IKZF1: variants seen among roughly 807,000 people sequenced by gnomAD.
IKZF1 encodes the protein IKAROS family zinc finger 1, also known as DNA-binding protein Ikaros.
A neutral mutation model predicts 51.7 loss-of-function variants in IKZF1; 10 were observed. The ratio of observed to expected loss-of-function variants is 0.19; its 90% CI spans 0.12 to 0.33. The LOEUF is 0.33. Ranked by LOEUF, IKZF1 falls within the 10% of genes least tolerant of loss-of-function variation. The pLI, the probability that IKZF1 is intolerant of heterozygous loss-of-function variation, is 1.00. For missense variants in IKZF1, 484 were observed against 707.5 expected, an observed-to-expected ratio of 0.68 and a Z score of 3.58; for synonymous variants, 280 against 282.3, an observed-to-expected ratio of 0.99 and a Z score of 0.08.
chr7:50,396,618 T>C (rs576226764), intron 7 of IKZF1, among the ~76,000 whole-genome samples: 27 of 152,350 alleles, frequency 1.8e-4, no homozygotes, highest in African/African-American at 6.0e-4. Context: ...CCCTGACATT[T>C]CTTTTCATCT....
At chr7:50,346,953 C>T (rs143733319) in intron 3 of IKZF1, among the ~76,000 whole-genome samples, 9 of 152,200 alleles carry the variant, frequency 5.9e-5, no homozygotes, top group Non-Finnish European at 1.3e-4. Flanking sequence ...TTTGCAGCCA[C>T]GACCCATGTT....
intron 3 of IKZF1, chr7:50,368,163 C>T (rs1249563078): frequency 5.7e-6 from 4 of 703,398 alleles, no homozygotes; most frequent in African/African-American, 3.5e-5. Flanking sequence ...CCCCGAGATA[C>T]ATTAAATATT....
chr7:50,313,110 C>G (rs1790599442), intron 1 of IKZF1, among the ~76,000 whole-genome samples: 1 of 152,200 alleles, frequency 6.6e-6, no homozygotes, highest in Admixed American at 6.5e-5. Flanking sequence ...ATTGCCTTAG[C>G]TTTCTCTTGA....
chr7:50,339,937 A>T (rs927020780), intron 3 of IKZF1, among the ~76,000 whole-genome samples: 1 of 152,312 alleles, frequency 6.6e-6, no homozygotes, highest in African/African-American at 2.4e-5. Context: ...ATATTAGCCC[A>T]TGCAATATTC....
chr7:50,367,912 C>CT (rs939582118), intron 3 of IKZF1: 117 of 605,694 alleles, frequency 1.9e-4, no homozygotes, highest in African/African-American at 1.4e-3. Context: ...ATAAAACGTT[C>CT]TTTTTTAAAA....
rs2153477914 is a variant in IKZF1 at position 50,382,659 on chromosome 7, G to A, written c.541G>A (p.Ala181Thr). 6.2e-7 allele frequency: 1 copy of A among 1,612,162 alleles called. No individual in the cohort carries two copies. The highest frequency in any genetic ancestry group is 8.5e-7 in the Non-Finnish European group (1 of 1,179,836). Residue 181 changes from alanine (A) to threonine (T), a missense_variant, in exon 5 of 8, where the codon GCC (alanine) becomes ACC (threonine). Ala to Thr is a moderately conservative substitution (Grantham distance 58, BLOSUM62 0). Around this residue, in one of 6 missense-constraint regions of IKZF1, gnomAD observed 53 missense variants for 167.7 expected, o/e 0.32. Coordinates refer to ENST00000331340, the MANE Select transcript of IKZF1 (RefSeq NM_006060.6). ...KPFKCHLCNY[A>T]CRRRDALTGH... ...CTTCAAATGCCACCTCTGCAACTACGCCTGCCGCCGGAGGGACGCCCTCAC... is the reference window on the plus strand; with the variant it reads ...CTTCAAATGCCACCTCTGCAACTACACCTGCCGCCGGAGGGACGCCCTCAC...
intron 3 of IKZF1, among the ~76,000 whole-genome samples, chr7:50,350,032 T>G (rs1004488073): frequency 6.6e-6 from 1 of 152,108 alleles, no homozygotes; most frequent in African/African-American, 2.4e-5. Flanking sequence ...CCCACATCAG[T>G]AGAGATGTCT....
At chr7:50,305,667 C>T (rs1479581561) in intron 1 of IKZF1, among the ~76,000 whole-genome samples, 1 of 152,142 alleles carries the variant, frequency 6.6e-6, no homozygotes. Context: ...ATGCGGTGCG[C>T]TTTGCTTAGG....
intron 3 of IKZF1, among the ~76,000 whole-genome samples, chr7:50,349,427 A>G (rs368582410): frequency 7.9e-5 from 12 of 152,350 alleles, no homozygotes; most frequent in East Asian, 1.9e-4. Flanking sequence ...TTTAGAAGAT[A>G]GGACGTGTAT....
intron 3 of IKZF1, among the ~76,000 whole-genome samples, chr7:50,351,412 T>C (rs1801822905): frequency 6.6e-6 from 1 of 152,214 alleles, no homozygotes; most frequent in African/African-American, 2.4e-5. Flanking sequence ...CTGTTTTTCA[T>C]CTCAGAATGT....
At chr7:50,352,980 G>C (rs1326432341) in intron 3 of IKZF1, among the ~76,000 whole-genome samples, 3 of 152,138 alleles carry the variant, frequency 2.0e-5, no homozygotes, top group Non-Finnish European at 4.4e-5. Flanking sequence ...TTTGTTTTCT[G>C]CAAATGAAAT....
chr7:50,325,751 G>A (rs577111540), intron 2 of IKZF1, among the ~76,000 whole-genome samples: 17 of 151,932 alleles, frequency 1.1e-4, no homozygotes, highest in Non-Finnish European at 1.9e-4. Context: ...CTCCAGCCTG[G>A]GTGACAGAGC....
intron 6 of IKZF1, among the ~76,000 whole-genome samples, chr7:50,389,583 A>G (rs908558921): frequency 1.3e-5 from 2 of 152,198 alleles, no homozygotes; most frequent in African/African-American, 4.8e-5. Flanking sequence ...AATTACATTG[A>G]ATTATTTCTG....
chr7:50,357,054 GGT>G (rs935421276), intron 3 of IKZF1, among the ~76,000 whole-genome samples: 1 of 151,906 alleles, frequency 6.6e-6, no homozygotes, highest in African/African-American at 2.4e-5. Context: ...GAGGGCCATG[GGT>G]GTGTGATTCC....
chr7:50,389,718 G>C (rs1003596948), intron 6 of IKZF1, among the ~76,000 whole-genome samples: 1 of 152,210 alleles, frequency 6.6e-6, no homozygotes, highest in Admixed American at 6.5e-5. Flanking sequence ...GGAGTATTAA[G>C]GGGATCCATA....
At position 50,376,483 on chromosome 7, in the gene IKZF1, G is replaced by T; in HGVS notation, c.161-50G>T. ...TTTTGCTGCTGTGTTGTTTTGTTGA[G>T]TTTTTTTTTTGCAATGACACTGAGT... On this transcript the variant is annotated intron_variant, in intron 3 of 7. Coordinates refer to ENST00000331340, the MANE Select transcript of IKZF1 (RefSeq NM_006060.6). This position sits in a 1 kb window ranked among gnomAD's most constrained non-coding sequence, Gnocchi z 4.5. 5.1e-6 allele frequency: 7 copies of T among 1,359,390 alleles called. No individual in the cohort carries two copies. Among genetic ancestry groups the T allele is most frequent in the Non-Finnish European group, 7.0e-6 (7 of 996,244 alleles). 84.2% of individuals were successfully genotyped at this position (1,359,390 alleles called of 1,614,324 possible).
intron 3 of IKZF1, among the ~76,000 whole-genome samples, chr7:50,340,168 C>T (rs933285332): frequency 6.6e-6 from 1 of 152,176 alleles, no homozygotes; most frequent in East Asian, 1.9e-4. Context: ...TGTGGAAGGG[C>T]TGGGGATTGT....
At chr7:50,318,346 C>T (rs1792140723) in intron 1 of IKZF1, 2 of 226,638 alleles carry the variant, frequency 8.8e-6, no homozygotes, top group South Asian at 1.8e-4. Context: ...AGCCATCTGT[C>T]AGCAAAACAG....
At chr7:50,375,337 T>C (rs985300356) in intron 3 of IKZF1, among the ~76,000 whole-genome samples, 3 of 152,094 alleles carry the variant, frequency 2.0e-5, no homozygotes, top group Non-Finnish European at 4.4e-5. Flanking sequence ...GGTGGGAGGA[T>C]CACTTGAGCC....
Sources: gnomAD v4.1 joint callset for allele counts (sites outside exome capture counted in the v4.1 genomes callset) on GRCh38, gnomAD v4.1.1 for gene constraint, gnomAD v4.1.1 regional missense constraint, Gnocchi (gnomAD v3.1) non-coding constraint, MANE v1.5 for transcripts, NCBI Gene and HGNC (gene_info 2026-07-23, HGNC 2026-07-21) for gene names.